Variants in ALK observed in about 807,000 individuals in gnomAD.
ALK encodes the protein ALK tyrosine kinase receptor.
Under a neutral mutation model 163.1 loss-of-function variants are expected in ALK, and 74 were observed. The observed-to-expected ratio is 0.45, with a 90% CI of 0.38 to 0.55. The LOEUF (loss-of-function observed/expected upper bound fraction) is 0.55, where lower values mean the gene tolerates loss of function less well. Among genes scored for constraint, ALK ranks in the 20% least tolerant of loss-of-function variants. The probability of loss-of-function intolerance (pLI) is 0.00; values close to 1 mark genes in which losing one functional copy is unlikely to be tolerated. For missense variants in ALK, 2,063 were observed against 2,105.3 expected, an observed-to-expected ratio of 0.98 and a Z score of 0.39; for synonymous variants, 960 against 843.2, an observed-to-expected ratio of 1.14 and a Z score of -2.40.
chr2:29,380,222 C>T (rs926890284), intron 5 of ALK, among the ~76,000 whole-genome samples: 1 of 151,828 alleles, frequency 6.6e-6, no homozygotes, highest in African/African-American at 2.4e-5. Flanking sequence ...TCTCCTGCCT[C>T]AGCCTCCCGG....
At chr2:29,690,574 C>T (rs1678367282) in intron 3 of ALK, among the ~76,000 whole-genome samples, 1 of 152,200 alleles carries the variant, frequency 6.6e-6, no homozygotes, top group Non-Finnish European at 1.5e-5. Flanking sequence ...AACATGGCCC[C>T]TGGCACTTCT....
chr2:29,669,121 A>C (rs950086372), intron 3 of ALK, among the ~76,000 whole-genome samples: 1 of 152,038 alleles, frequency 6.6e-6, no homozygotes, highest in African/African-American at 2.4e-5. Flanking sequence ...CATTAGATCT[A>C]GTGTGTAAGT....
At chr2:29,238,670 A>G (rs986359096) in intron 13 of ALK, among the ~76,000 whole-genome samples, 4 of 151,624 alleles carry the variant, frequency 2.6e-5, no homozygotes, top group African/African-American at 9.7e-5. Flanking sequence ...AAGACCAGTC[A>G]CTCTCCCCAC....
intron 11 of ALK, 143 bp from the exon 12 acceptor site, chr2:29,251,410 C>T: frequency 1.2e-6 from 1 of 817,608 alleles, no homozygotes; most frequent in South Asian, 1.6e-5. Flanking sequence ...CAAGAAACAC[C>T]AATCAGCCAT....
intron 3 of ALK, among the ~76,000 whole-genome samples, chr2:29,606,624 C>T (rs1675548659): frequency 6.6e-6 from 1 of 152,212 alleles, no homozygotes. Context: ...CTATGGCTTT[C>T]AGGCCTAATC....
At chr2:29,689,020 G>T (rs1214854790) in intron 3 of ALK, among the ~76,000 whole-genome samples, 3 of 152,134 alleles carry the variant, frequency 2.0e-5, no homozygotes, top group Non-Finnish European at 2.9e-5. Flanking sequence ...AGCTCTGAAG[G>T]TCGTCCGTCT....
At chr2:29,679,092 G>C (rs1677983220) in intron 3 of ALK, among the ~76,000 whole-genome samples, 2 of 151,650 alleles carry the variant, frequency 1.3e-5, no homozygotes, top group South Asian at 4.2e-4. Context: ...TCTCTTCCTG[G>C]TGAATTGACA....
rs115463336 is a variant in ALK, at chr2:29,500,674, C to T, written c.1154+31241G>A. ...CATCCAGGAACTTCATGGACATCAG[C>T]GCCATCCATGGTCTTGCCTACCCTA... On this transcript the variant is annotated intron_variant, in intron 4 of 28. Transcript: ENST00000389048. Among the ~76,000 whole-genome samples, 618 of 152,208 alleles carry T rather than the reference C, an allele frequency of 4.1e-3. 5 individuals carry two copies. Among genetic ancestry groups the T allele is most frequent in the African/African-American group, 0.013 (533 of 41,540 alleles).
At chr2:29,620,915 T>C (rs1676016908) in intron 3 of ALK, among the ~76,000 whole-genome samples, 1 of 152,214 alleles carries the variant, frequency 6.6e-6, no homozygotes, top group Non-Finnish European at 1.5e-5. Context: ...ACAATTGTGC[T>C]ATCATCTGGT....
chr2:29,455,818 T>A (rs1421751477), intron 4 of ALK, among the ~76,000 whole-genome samples: 1 of 152,214 alleles, frequency 6.6e-6, no homozygotes, highest in Non-Finnish European at 1.5e-5. Flanking sequence ...AGACTGCCTT[T>A]CCATCTTTGG....
chr2:29,734,081 C>T (rs556153429), intron 1 of ALK, among the ~76,000 whole-genome samples: 1 of 152,102 alleles, frequency 6.6e-6, no homozygotes, highest in East Asian at 1.9e-4. Flanking sequence ...AACAAGTTAG[C>T]GGCCCAATGA....
At chr2:29,741,253 C>G (rs1160964739) in intron 1 of ALK, among the ~76,000 whole-genome samples, 2 of 152,128 alleles carry the variant, frequency 1.3e-5, no homozygotes, top group African/African-American at 2.4e-5. Flanking sequence ...TGAAACTACT[C>G]TCTATGATAC....
At chr2:29,213,355 G>C (rs1669513215) in intron 24 of ALK, among the ~76,000 whole-genome samples, 1 of 152,190 alleles carries the variant, frequency 6.6e-6, no homozygotes, top group Non-Finnish European at 1.5e-5. Flanking sequence ...TCATCTTTAT[G>C]CTTCATTTCA....
intron 1 of ALK, chr2:29,891,076 G>A (rs936857775): frequency 6.6e-6 from 1 of 152,182 alleles, no homozygotes; most frequent in African/African-American, 2.4e-5. Flanking sequence ...AGGATTAAAA[G>A]AGACAACATA....
At chr2:29,200,779 A>G (rs56327932) in intron 26 of ALK, among the ~76,000 whole-genome samples, 28,482 of 131,292 alleles carry the variant, frequency 0.22, 5,012 homozygotes, top group East Asian at 0.69. Flanking sequence ...ATACGTATAT[A>G]TATGTATATA....
chr2:29,482,143 C>G (rs537831215), intron 4 of ALK, among the ~76,000 whole-genome samples: 1 of 152,032 alleles, frequency 6.6e-6, no homozygotes, highest in Admixed American at 6.5e-5. Context: ...AGACCAGTAC[C>G]GGGAATGAAA....
At chr2:29,258,218 GC>G in intron 11 of ALK, among the ~76,000 whole-genome samples, 1 of 152,260 alleles carries the variant, frequency 6.6e-6, no homozygotes, top group East Asian at 1.9e-4. Flanking sequence ...TCTCCATGGG[GC>G]AGTTCAACAT....
intron 23 of ALK, among the ~76,000 whole-genome samples, chr2:29,217,012 G>T (rs374980566): frequency 1.4e-5 from 2 of 143,702 alleles, no homozygotes; most frequent in African/African-American, 5.2e-5. Context: ...TGGTGTGTGC[G>T]TGAGTGTATG....
At chr2:29,597,608 T>G in intron 3 of ALK, among the ~76,000 whole-genome samples, 1 of 152,238 alleles carries the variant, frequency 6.6e-6, no homozygotes, top group East Asian at 1.9e-4. Flanking sequence ...AGGTCTCAAC[T>G]GGTTTTGGTG....
Sources: allele counts gnomAD v4.1 joint callset (sites outside exome capture counted in the v4.1 genomes callset), GRCh38; gene constraint gnomAD v4.1.1; transcripts MANE v1.5; gene names NCBI Gene and HGNC (gene_info 2026-07-23, HGNC 2026-07-21).